Variants in DGKB observed in about 807,000 individuals in gnomAD.
DGKB encodes the protein diacylglycerol kinase beta.
Under a neutral mutation model 114.3 loss-of-function variants are expected in DGKB, and 67 were observed. The observed-to-expected ratio is 0.59, with a 90% CI of 0.48 to 0.72. The LOEUF (loss-of-function observed/expected upper bound fraction) is 0.72. Among genes scored for constraint, DGKB ranks in the 30% least tolerant of loss-of-function variants. DGKB has a pLI of 0.00. For synonymous variants in DGKB, 398 were observed against 323.1 expected, an observed-to-expected ratio of 1.23 and a Z score of -2.49; for missense variants, 907 against 975.2, an observed-to-expected ratio of 0.93 and a Z score of 0.93.
rs1052555915 is a variant in DGKB, at chr7:14,236,163, A to G, written c.2123-58012T>C. ...GTTACAGGCTTTTCAAATTACAGATAGTATTTGAAAGAACCAATAATACCT... is the reference window on the plus strand; with the variant it reads ...GTTACAGGCTTTTCAAATTACAGATGGTATTTGAAAGAACCAATAATACCT... On this transcript the variant is annotated intron_variant, in intron 23 of 25. Coordinates refer to ENST00000402815, the MANE Select transcript of DGKB (RefSeq NM_001350709.2). 3.3e-5 allele frequency among the ~76,000 whole-genome samples: 5 copies of G among 152,194 alleles called. No homozygotes were observed. The East Asian group carries it at 5.8e-4, about 18-fold the overall frequency.
intron 23 of DGKB, among the ~76,000 whole-genome samples, chr7:14,331,560 A>G (rs942968090): frequency 3.9e-5 from 6 of 152,110 alleles, no homozygotes; most frequent in African/African-American, 1.4e-4. Flanking sequence ...TCAACCTTCA[A>G]ATAAGAATAA....
Position 14,273,414 on chromosome 7 carries a change from T to C in DGKB, c.2122+65101A>G, listed in dbSNP as rs551396468. Among the ~76,000 whole-genome samples, 3 of 152,138 alleles carry C rather than the reference T, an allele frequency of 2.0e-5. No individual in the cohort carries two copies. The South Asian group carries it at 6.2e-4, about 32-fold the overall frequency. On this transcript the variant is annotated intron_variant, in intron 23 of 25. Transcript: ENST00000402815. ...GTCTGAAACAGGATACATGATAATA[T>C]GTTTGGCAATCTCATTTCAGATGTA...
At chr7:14,894,831 A>T (rs1236186637) in intron 1 of DGKB, among the ~76,000 whole-genome samples, 1 of 151,572 alleles carries the variant, frequency 6.6e-6, no homozygotes, top group East Asian at 1.9e-4. Flanking sequence ...AAAGCCAGAC[A>T]CCCAAAACAA....
intron 20 of DGKB, among the ~76,000 whole-genome samples, chr7:14,559,122 G>GA (rs1796287777): frequency 2.0e-5 from 3 of 152,080 alleles, no homozygotes; most frequent in Admixed American, 2.0e-4. Flanking sequence ...ACATAATGGT[G>GA]ACTTTTTTCA....
chr7:14,699,365 T>C (rs1475006079), intron 7 of DGKB, among the ~76,000 whole-genome samples: 11 of 152,104 alleles, frequency 7.2e-5, no homozygotes, highest in Non-Finnish European at 1.5e-4. Flanking sequence ...GGATATCTTT[T>C]AAGAACAGAA....
At chr7:14,304,367 C>T (rs992171096) in intron 23 of DGKB, among the ~76,000 whole-genome samples, 1 of 151,756 alleles carries the variant, frequency 6.6e-6, no homozygotes. Context: ...TTTTATTGCA[C>T]CATTAAGAGC....
intron 1 of DGKB, among the ~76,000 whole-genome samples, chr7:14,889,630 A>G (rs1370225498): frequency 6.6e-6 from 1 of 151,472 alleles, no homozygotes; most frequent in Non-Finnish European, 1.5e-5. Flanking sequence ...ACAGACCACC[A>G]AAGTTTTTCT....
intron 14 of DGKB, among the ~76,000 whole-genome samples, chr7:14,625,614 C>T (rs13242030): frequency 0.076 from 11,570 of 152,130 alleles, 572 homozygotes; most frequent in Non-Finnish European, 0.11. Flanking sequence ...ATTTAACCTT[C>T]AGTTTCTTTC....
chr7:14,293,887 C>T (rs1191247809), intron 23 of DGKB, among the ~76,000 whole-genome samples: 2 of 152,068 alleles, frequency 1.3e-5, no homozygotes, highest in African/African-American at 2.4e-5. Context: ...GATTTTCTTG[C>T]CCTCCTCATT....
chr7:14,383,475 G>A (rs7785682), intron 21 of DGKB, among the ~76,000 whole-genome samples: 122,534 of 152,170 alleles, frequency 0.81, 49,535 homozygotes, highest in Middle Eastern at 0.89. Flanking sequence ...TTCACTTAGA[G>A]TAAGTCAGGA....
At chr7:14,404,408 A>G (rs909012030) in intron 21 of DGKB, among the ~76,000 whole-genome samples, 7 of 151,870 alleles carry the variant, frequency 4.6e-5, no homozygotes, top group African/African-American at 1.7e-4. Flanking sequence ...GCTTAGAAGA[A>G]CAAATCTACA....
chr7:14,246,672 A>G (rs1430559857), intron 23 of DGKB, among the ~76,000 whole-genome samples: 1 of 152,026 alleles, frequency 6.6e-6, no homozygotes, highest in African/African-American at 2.4e-5. Context: ...TTTATTTATC[A>G]CCCCTCCAGC....
chr7:14,551,326 T>G (rs1457608986), intron 20 of DGKB, among the ~76,000 whole-genome samples: 1 of 152,220 alleles, frequency 6.6e-6, no homozygotes, highest in East Asian at 1.9e-4. Context: ...AGAACTAATG[T>G]GGATAAGGTT....
At chr7:14,787,496 C>T (rs946554578) in intron 2 of DGKB, among the ~76,000 whole-genome samples, 2 of 152,096 alleles carry the variant, frequency 1.3e-5, no homozygotes, top group East Asian at 1.9e-4. Flanking sequence ...TGACAAGATC[C>T]TTGAAGGACA....
At chr7:14,175,283 A>G (rs1018304207) in intron 25 of DGKB, among the ~76,000 whole-genome samples, 4 of 152,224 alleles carry the variant, frequency 2.6e-5, no homozygotes, top group Admixed American at 2.0e-4. Flanking sequence ...ATACTCACAT[A>G]TAACATAAGC....
chr7:14,352,948 A>T (rs1459198644), intron 21 of DGKB, among the ~76,000 whole-genome samples: 1 of 138,288 alleles, frequency 7.2e-6, no homozygotes, highest in Non-Finnish European at 1.7e-5. Flanking sequence ...AAAACCAAAC[A>T]AATAAAAAAA....
intron 25 of DGKB, among the ~76,000 whole-genome samples, chr7:14,157,375 G>GTTT (rs5882430): frequency 3.0e-4 from 43 of 145,060 alleles, no homozygotes; most frequent in South Asian, 1.3e-3. Context: ...CCTTTTGCCA[G>GTTT]TTTTTTTTTT....
intron 1 of DGKB, among the ~76,000 whole-genome samples, chr7:14,955,085 A>G (rs1786422566): frequency 6.6e-6 from 1 of 152,028 alleles, no homozygotes; most frequent in South Asian, 2.1e-4. Context: ...AAGGCAAGCA[A>G]ATAAAGTTTC....
At chr7:14,238,855 C>T (rs1381671594) in intron 23 of DGKB, among the ~76,000 whole-genome samples, 3 of 144,382 alleles carry the variant, frequency 2.1e-5, no homozygotes, top group Non-Finnish European at 3.0e-5. Context: ...AGGATGTTAG[C>T]ATGCTTTATA....
Sources: allele counts gnomAD v4.1 joint callset (sites outside exome capture counted in the v4.1 genomes callset), GRCh38; gene constraint gnomAD v4.1.1; transcripts MANE v1.5; gene names NCBI Gene and HGNC (gene_info 2026-07-23, HGNC 2026-07-21).